Variants in DSCAM observed in about 807,000 individuals in gnomAD.
DSCAM encodes DS cell adhesion molecule, also known as cell adhesion molecule DSCAM.
In DSCAM, 47 loss-of-function variants were observed where a neutral mutation model predicts 217.7. That is an observed-to-expected ratio of 0.22 (90% CI 0.17 to 0.28). The LOEUF is 0.28. Ranked by LOEUF, DSCAM falls within the 10% of genes least tolerant of loss-of-function variation. DSCAM has a pLI of 1.00. For missense variants in DSCAM, 2,080 were observed against 2,618.3 expected (o/e 0.79, Z 4.49); for synonymous variants, 1,056 against 1,015.3 (o/e 1.04, Z -0.76).
intron 3 of DSCAM, among the ~76,000 whole-genome samples, chr21:40,684,511 C>G (rs2090453078): frequency 6.6e-6 from 1 of 152,138 alleles, no homozygotes; most frequent in African/African-American, 2.4e-5. Context: ...TTAAGGAGAC[C>G]TTCCTCCACC....
At chr21:40,101,699 G>A (rs766666554) in intron 20 of DSCAM, among the ~76,000 whole-genome samples, 1 of 151,862 alleles carries the variant, frequency 6.6e-6, no homozygotes, top group Non-Finnish European at 1.5e-5. Context: ...CACATAAAAT[G>A]TAAAATATGC....
chr21:40,211,554 T>C (rs921276968), intron 11 of DSCAM, among the ~76,000 whole-genome samples: 1 of 152,252 alleles, frequency 6.6e-6, no homozygotes, highest in Non-Finnish European at 1.5e-5. Flanking sequence ...TGTGGCGTTA[T>C]AATTTTTAAA....
intron 3 of DSCAM, among the ~76,000 whole-genome samples, chr21:40,592,256 T>C (rs1053350938): frequency 2.6e-5 from 4 of 152,194 alleles, no homozygotes; most frequent in Admixed American, 6.5e-5. Context: ...TAGGTAGTTA[T>C]CCTAAGGCAA....
chr21:40,187,044 G>A, intron 14 of DSCAM, 87 bp downstream of exon 14: 1 of 1,516,828 alleles, frequency 6.6e-7, no homozygotes, highest in East Asian at 2.4e-5. Flanking sequence ...GCTGAGCTGT[G>A]CGCTTACAGG....
rs111714104 is a variant in DSCAM at position 40,552,182 on chromosome 21, C to T, written c.508+140628G>A. Reference sequence around the variant, plus strand: ...TACAAAAATTAGCCAGGCATGGTGGCGTGTGCCTGTAGTCCCAGCTACTCA... The same window carrying T: ...TACAAAAATTAGCCAGGCATGGTGGTGTGTGCCTGTAGTCCCAGCTACTCA... On this transcript the variant is annotated intron_variant, in intron 3 of 32. Coordinates refer to ENST00000400454, the MANE Select transcript of DSCAM (RefSeq NM_001389.5). Among the ~76,000 whole-genome samples the T allele has an allele frequency of 1.0e-3, 159 of 152,114 alleles. 2 individuals carry two copies. The highest frequency in any genetic ancestry group is 3.3e-3 in the African/African-American group (136 of 41,498).
At chr21:40,253,586 C>T (rs1466015179) in intron 11 of DSCAM, among the ~76,000 whole-genome samples, 1 of 152,192 alleles carries the variant, frequency 6.6e-6, no homozygotes, top group Non-Finnish European at 1.5e-5. Flanking sequence ...TTCAGCCTCA[C>T]CCCCTGACCT....
chr21:40,245,394 T>C (rs2073210190), intron 11 of DSCAM, among the ~76,000 whole-genome samples: 2 of 152,094 alleles, frequency 1.3e-5, no homozygotes, highest in African/African-American at 4.8e-5. Context: ...TTACCCTAGC[T>C]CCTCTCTGAC....
chr21:40,206,590 G>A (rs1231942642), intron 11 of DSCAM, among the ~76,000 whole-genome samples: 5 of 151,552 alleles, frequency 3.3e-5, no homozygotes, highest in South Asian at 2.1e-4. Context: ...ATTTGGATGT[G>A]TTATATCAAG....
intron 2 of DSCAM, among the ~76,000 whole-genome samples, chr21:40,702,011 T>C (rs1390240072): frequency 6.6e-6 from 1 of 152,188 alleles, no homozygotes; most frequent in Non-Finnish European, 1.5e-5. Context: ...TTCTACCAAT[T>C]ATTGAACTAG....
chr21:40,676,047 C>T (rs2090333899), intron 3 of DSCAM, among the ~76,000 whole-genome samples: 1 of 152,150 alleles, frequency 6.6e-6, no homozygotes, highest in Admixed American at 6.5e-5. Context: ...ATAAACTGAT[C>T]AATAACTATG....
chr21:40,503,173 G>C (rs1160284347), intron 3 of DSCAM, among the ~76,000 whole-genome samples: 1 of 152,218 alleles, frequency 6.6e-6, no homozygotes, highest in African/African-American at 2.4e-5. Flanking sequence ...GGTTTGGAGA[G>C]TGATCTGCCA....
At chr21:40,724,805 A>G (rs2090937207) in intron 1 of DSCAM, among the ~76,000 whole-genome samples, 1 of 152,190 alleles carries the variant, frequency 6.6e-6, no homozygotes, top group Admixed American at 6.5e-5. Flanking sequence ...TGACTAATAC[A>G]CTGTTGAGCA....
At chr21:40,559,786 C>CTTTTTTTT (rs548599799) in intron 3 of DSCAM, among the ~76,000 whole-genome samples, 6 of 109,412 alleles carry the variant, frequency 5.5e-5, no homozygotes, top group Non-Finnish European at 9.2e-5. Context: ...AATTTTCTGT[C>CTTTTTTTT]TTTTTTTTTT....
intron 3 of DSCAM, among the ~76,000 whole-genome samples, chr21:40,528,417 AGAGT>A (rs1167815326): frequency 6.6e-6 from 1 of 152,224 alleles, no homozygotes; most frequent in Non-Finnish European, 1.5e-5. Flanking sequence ...TATTATACAT[AGAGT>A]GTGTAGAAAT....
At chr21:40,424,115 C>G (rs879660138) in intron 3 of DSCAM, among the ~76,000 whole-genome samples, 8 of 152,124 alleles carry the variant, frequency 5.3e-5, no homozygotes, top group Non-Finnish European at 1.2e-4. Flanking sequence ...AGATTTGGAA[C>G]ACTGTTAATT....
intron 3 of DSCAM, among the ~76,000 whole-genome samples, chr21:40,494,858 T>C (rs1568851650): frequency 6.8e-6 from 1 of 147,042 alleles, no homozygotes; most frequent in African/African-American, 2.5e-5. Context: ...CAACAAATCG[T>C]TAGCTAGACT....
chr21:40,681,434 A>G lies in DSCAM; in HGVS notation c.508+11376T>C, dbSNP rs1030132844. On this transcript the variant is annotated intron_variant, in intron 3 of 32. Transcript: ENST00000400454. Reference sequence around the variant, plus strand: ...GACCCACAGGACCTGGCACACCAGCACTCCTGGCTACCCTGATGGGGCTGT... The same window carrying G: ...GACCCACAGGACCTGGCACACCAGCGCTCCTGGCTACCCTGATGGGGCTGT... Among the ~76,000 whole-genome samples, 45 of 148,962 alleles carry G rather than the reference A, an allele frequency of 3.0e-4. 1 individual carries two copies. The highest frequency in any genetic ancestry group is 1.0e-3 in the African/African-American group (41 of 40,064).
At chr21:40,706,763 G>C (rs776585630) in intron 2 of DSCAM, among the ~76,000 whole-genome samples, 1 of 152,212 alleles carries the variant, frequency 6.6e-6, no homozygotes, top group Non-Finnish European at 1.5e-5. Context: ...AGTATCCAGT[G>C]AACAACCTAA....
intron 1 of DSCAM, among the ~76,000 whole-genome samples, chr21:40,747,222 TAAAC>T (rs1180985886): frequency 3.4e-5 from 5 of 146,654 alleles, no homozygotes; most frequent in African/African-American, 2.5e-5. Context: ...AGAGCAGAAA[TAAAC>T]AAAATAGAGG....
Sources: gnomAD v4.1 joint callset for allele counts (sites outside exome capture counted in the v4.1 genomes callset) on GRCh38, gnomAD v4.1.1 for gene constraint, MANE v1.5 for transcripts, NCBI Gene and HGNC (gene_info 2026-07-23, HGNC 2026-07-21) for gene names.